The following GRM3 variants were observed in gnomAD, a reference collection of about 807,000 sequenced individuals.
GRM3 encodes the protein glutamate metabotropic receptor 3.
In GRM3, 26 loss-of-function variants were observed where a neutral mutation model predicts 70.5. That is an observed-to-expected ratio of 0.37 (90% CI 0.27 to 0.51). The LOEUF (loss-of-function observed/expected upper bound fraction) is 0.51, where lower values mean the gene tolerates loss of function less well. Ranked by LOEUF, GRM3 falls within the 20% of genes least tolerant of loss-of-function variation. The probability of loss-of-function intolerance (pLI) is 0.93; values close to 1 mark genes in which losing one functional copy is unlikely to be tolerated. For synonymous variants in GRM3, 443 were observed against 434.9 expected (o/e 1.02, Z -0.23); for missense variants, 859 against 1,123.8 (o/e 0.76, Z 3.37).
intron 4 of GRM3, among the ~76,000 whole-genome samples, chr7:86,850,103 A>G (rs539711851): frequency 6.6e-6 from 1 of 152,232 alleles, no homozygotes; most frequent in South Asian, 2.1e-4. Flanking sequence ...TATAAAGAAA[A>G]CAAACAAGAA....
intron 1 of GRM3, among the ~76,000 whole-genome samples, chr7:86,672,489 CCCTCTCTTTG>C (rs1299289229): frequency 1.3e-5 from 2 of 152,162 alleles, no homozygotes; most frequent in African/African-American, 4.8e-5. Context: ...GCCTAGCTTC[CCCTCTCTTTG>C]CAATAAGGGC....
intron 3 of GRM3, among the ~76,000 whole-genome samples, chr7:86,802,611 C>T (rs1329458156): frequency 6.8e-6 from 1 of 146,984 alleles, no homozygotes; most frequent in Admixed American, 6.7e-5. Flanking sequence ...AAAAAAAAAA[C>T]GTAATCAGGC....
intron 3 of GRM3, among the ~76,000 whole-genome samples, chr7:86,817,085 C>T (rs1305498901): frequency 6.6e-6 from 1 of 151,812 alleles, no homozygotes; most frequent in African/African-American, 2.4e-5. Context: ...GTTATTTTCT[C>T]CGATTTGGGA....
intron 1 of GRM3, among the ~76,000 whole-genome samples, chr7:86,712,338 C>T (rs1443064641): frequency 1.3e-5 from 2 of 151,982 alleles, no homozygotes; most frequent in Admixed American, 6.6e-5. Flanking sequence ...TTCATCACTC[C>T]TCTATTTAAA....
intron 3 of GRM3, among the ~76,000 whole-genome samples, chr7:86,823,301 C>A (rs959597855): frequency 4.6e-5 from 7 of 152,124 alleles, no homozygotes; most frequent in Admixed American, 4.6e-4. Context: ...AGCCAGCATC[C>A]ACCATCCCCA....
chr7:86,748,087 C>T (rs1796147937), intron 1 of GRM3, among the ~76,000 whole-genome samples: 2 of 152,000 alleles, frequency 1.3e-5, no homozygotes, highest in Non-Finnish European at 2.9e-5. Context: ...TTTCCCTTCA[C>T]CTGGCAGGAG....
chr7:86,743,293 T>A (rs1273142991), intron 1 of GRM3, among the ~76,000 whole-genome samples: 2 of 152,054 alleles, frequency 1.3e-5, no homozygotes, highest in Non-Finnish European at 2.9e-5. Flanking sequence ...TTGGGAGAAA[T>A]TGGAATGTTG....
chr7:86,793,804 A>G (rs1474050240), intron 3 of GRM3, among the ~76,000 whole-genome samples: 1 of 151,950 alleles, frequency 6.6e-6, no homozygotes, highest in African/African-American at 2.4e-5. Context: ...TATTTTTACT[A>G]TTATCATTAT....
chr7:86,755,870 C>G (rs1796334137), intron 1 of GRM3, among the ~76,000 whole-genome samples: 1 of 152,022 alleles, frequency 6.6e-6, no homozygotes, highest in Admixed American at 6.6e-5. Context: ...TGGAACTTTT[C>G]TCACTTTTTA....
intron 2 of GRM3, among the ~76,000 whole-genome samples, chr7:86,781,477 C>T (rs936043142): frequency 6.6e-6 from 1 of 152,088 alleles, no homozygotes; most frequent in Non-Finnish European, 1.5e-5. Flanking sequence ...TCTTTCTTCA[C>T]CTGTGTAATT....
intron 1 of GRM3, among the ~76,000 whole-genome samples, chr7:86,714,398 C>T (rs1033986185): frequency 1.3e-4 from 20 of 150,910 alleles, no homozygotes; most frequent in Non-Finnish European, 2.2e-4. Context: ...TAACCTTTTA[C>T]TGTATGTGCA....
rs749523209 is a variant in GRM3, at chr7:86,839,827, A to C, written c.2313A>C (p.Ile771=). The change falls in exon 4 of 6, where the codon ATA becomes ATC. Residue 771 remains isoleucine (I), a synonymous_variant. Transcript: ENST00000361669. This position sits in a 1 kb window ranked among gnomAD's most constrained non-coding sequence, Gnocchi z 4.5. The part of the protein sequence containing the change: ...CPENFNEAKF[I]GFTMYTTCII... Reference sequence around the variant, plus strand: ...AAAATTTCAACGAAGCTAAGTTCATAGGTTTTACCATGTACACCACGTGCA... The same window carrying C: ...AAAATTTCAACGAAGCTAAGTTCATCGGTTTTACCATGTACACCACGTGCA... 4 of 1,613,906 alleles carry C rather than the reference A, an allele frequency of 2.5e-6. No homozygotes were observed. In the Admixed American group the frequency reaches 6.7e-5, roughly 27 times the overall value.
In GRM3 at chr7:86,796,196, G is replaced by A. The variant is rs373651041; in HGVS notation, c.1324+9080G>A. On this transcript the variant is annotated intron_variant, in intron 3 of 5. Coordinates refer to ENST00000361669, the MANE Select transcript of GRM3 (RefSeq NM_000840.3). ...TCTTATAGGGTTTTTATAGTTTTGG[G>A]GTTTACATTAAAGTATTTAATCCAT... is the stretch of plus-strand genomic sequence containing the variant. Among the ~76,000 whole-genome samples the A allele has an allele frequency of 7.2e-5, 11 of 152,110 alleles. No individual in the cohort carries two copies. In the East Asian group the frequency reaches 1.7e-3, roughly 24 times the overall value.
intron 1 of GRM3, among the ~76,000 whole-genome samples, chr7:86,692,617 C>T (rs1454243769): frequency 3.3e-5 from 5 of 152,154 alleles, no homozygotes; most frequent in African/African-American, 1.2e-4. Context: ...AATAGTATTT[C>T]TTTATGTGTC....
intron 2 of GRM3, chr7:86,775,378 A>G (rs1295529844): frequency 6.6e-6 from 1 of 152,068 alleles, no homozygotes; most frequent in Non-Finnish European, 1.5e-5. Context: ...TAAAGCTCCA[A>G]TCTTTATATT....
At chr7:86,727,124 T>C (rs1795610707) in intron 1 of GRM3, among the ~76,000 whole-genome samples, 1 of 152,222 alleles carries the variant, frequency 6.6e-6, no homozygotes, top group East Asian at 1.9e-4. Context: ...AAGATAACTA[T>C]AACACAAGAC....
chr7:86,710,584 G>T (rs1795173145), intron 1 of GRM3, among the ~76,000 whole-genome samples: 1 of 124,518 alleles, frequency 8.0e-6, no homozygotes, highest in African/African-American at 2.9e-5. Flanking sequence ...GGGGGGAGGG[G>T]GCGGGTGGTG....
chr7:86,795,083 C>T (rs979960817), intron 3 of GRM3, among the ~76,000 whole-genome samples: 25 of 150,956 alleles, frequency 1.7e-4, no homozygotes, highest in East Asian at 5.8e-4. Flanking sequence ...AGTAAAGTAA[C>T]GAAAGTTTCT....
chr7:86,715,169 G>T (rs1262922920), intron 1 of GRM3, among the ~76,000 whole-genome samples: 1 of 152,020 alleles, frequency 6.6e-6, no homozygotes. Flanking sequence ...AGGAAATGGA[G>T]TGGGTCACAA....
Sources: allele counts gnomAD v4.1 joint callset (sites outside exome capture counted in the v4.1 genomes callset), GRCh38; gene constraint gnomAD v4.1.1; non-coding constraint Gnocchi (gnomAD v3.1); transcripts MANE v1.5; gene names NCBI Gene and HGNC (gene_info 2026-07-23, HGNC 2026-07-21).